The following RBFOX1 variants were observed in gnomAD, a reference collection of about 807,000 sequenced individuals.
RBFOX1 encodes RNA binding protein fox-1 homolog 1.
A neutral mutation model predicts 57.7 loss-of-function variants in RBFOX1; 8 were observed. The observed-to-expected ratio is 0.14, with a 90% CI of 0.08 to 0.25. The LOEUF (loss-of-function observed/expected upper bound fraction) is 0.25, where lower values mean the gene tolerates loss of function less well. Among genes scored for constraint, RBFOX1 ranks in the 10% least tolerant of loss-of-function variants. The pLI, the probability that RBFOX1 is intolerant of heterozygous loss-of-function variation, is 1.00. For synonymous variants in RBFOX1, 326 were observed against 222.4 expected, an observed-to-expected ratio of 1.47 and a Z score of -4.15; for missense variants, 611 against 548.5, an observed-to-expected ratio of 1.11 and a Z score of -1.14.
intron 4 of RBFOX1, among the ~76,000 whole-genome samples, chr16:7,294,218 T>C (rs1364948885): frequency 2.6e-5 from 4 of 152,078 alleles, no homozygotes; most frequent in Non-Finnish European, 5.9e-5. Context: ...GCTGTTTTTG[T>C]CTCTGCCGCC....
intron 3 of RBFOX1, among the ~76,000 whole-genome samples, chr16:5,862,012 A>G (rs2057230202): frequency 1.3e-5 from 2 of 152,188 alleles, no homozygotes; most frequent in African/African-American, 4.8e-5. Context: ...CTCAGGCCTG[A>G]GAGTGACGGC....
At chr16:7,552,357 A>G (rs933438793) in intron 5 of RBFOX1, among the ~76,000 whole-genome samples, 2 of 152,144 alleles carry the variant, frequency 1.3e-5, no homozygotes, top group African/African-American at 2.4e-5. Context: ...CAGGATACTC[A>G]TTTTACATCT....
chr16:6,491,851 T>A (rs962857110), intron 2 of RBFOX1, among the ~76,000 whole-genome samples: 1 of 152,226 alleles, frequency 6.6e-6, no homozygotes, highest in Non-Finnish European at 1.5e-5. Context: ...TCAATCATTG[T>A]TCTAACATTG....
At chr16:5,649,400 C>T (rs2049158222) in intron 3 of RBFOX1, among the ~76,000 whole-genome samples, 1 of 152,096 alleles carries the variant, frequency 6.6e-6, no homozygotes, top group Admixed American at 6.5e-5. Context: ...GAACTCCTGA[C>T]CTCAGGTGAT....
intron 3 of RBFOX1, among the ~76,000 whole-genome samples, chr16:6,738,688 C>G (rs2071170172): frequency 6.6e-6 from 1 of 152,170 alleles, no homozygotes; most frequent in South Asian, 2.1e-4. Context: ...AATACACATT[C>G]TTTTAAGGAG....
At chr16:6,629,638 G>A (rs2154056368) in intron 2 of RBFOX1, among the ~76,000 whole-genome samples, 2 of 152,028 alleles carry the variant, frequency 1.3e-5, no homozygotes, top group South Asian at 2.1e-4. Context: ...GATGCTCAGA[G>A]CCCCTTAACT....
At chr16:6,170,665 G>T (rs563214837) in intron 1 of RBFOX1, among the ~76,000 whole-genome samples, 26 of 152,162 alleles carry the variant, frequency 1.7e-4, no homozygotes, top group Admixed American at 1.4e-3. Flanking sequence ...TGTCACGGGG[G>T]TTTGTTGTAC....
rs565248640 is a variant in RBFOX1, at chr16:6,512,283, C to CAAAAAAAAAAAAA, written c.-63-142316_-63-142304dup. Among the ~76,000 whole-genome samples, 33 of 86,952 alleles carry CAAAAAAAAAAAAA rather than the reference C, an allele frequency of 3.8e-4. 2 individuals are homozygous for CAAAAAAAAAAAAA. Among genetic ancestry groups the CAAAAAAAAAAAAA allele is most frequent in the African/African-American group, 1.3e-3 (27 of 20,164 alleles). The allele number at this position is 86,952 out of a possible 152,430, so 57.0% of individuals were successfully genotyped here. On this transcript the variant is annotated intron_variant, in intron 2 of 15. Coordinates refer to ENST00000550418, the MANE Select transcript of RBFOX1 (RefSeq NM_018723.4). ...TGGGTAACAGAGCAAGACCCTGTAT[C>CAAAAAAAAAAAAA]AAAAAAAAAAAAAAAAGGTAAGAGA...
At chr16:5,345,461 T>C (rs899185420) in intron 1 of RBFOX1, among the ~76,000 whole-genome samples, 1 of 152,184 alleles carries the variant, frequency 6.6e-6, no homozygotes, top group African/African-American at 2.4e-5. Flanking sequence ...CGCTGTCCAC[T>C]TCCATCAGTG....
intron 2 of RBFOX1, among the ~76,000 whole-genome samples, chr16:6,558,607 T>C (rs1350024362): frequency 1.3e-5 from 2 of 152,106 alleles, no homozygotes; most frequent in African/African-American, 2.4e-5. Flanking sequence ...CCTGGGGATA[T>C]GGCAGTTGTC....
intron 4 of RBFOX1, among the ~76,000 whole-genome samples, chr16:7,222,438 C>A (rs573059246): frequency 6.6e-6 from 1 of 152,246 alleles, no homozygotes; most frequent in African/African-American, 2.4e-5. Context: ...TGTGGCAGCC[C>A]AGAGCTCTGT....
intron 1 of RBFOX1, among the ~76,000 whole-genome samples, chr16:6,137,658 G>T (rs1383290291): frequency 7.6e-6 from 1 of 132,198 alleles, no homozygotes; most frequent in East Asian, 2.3e-4. Context: ...CTGTTGCCCA[G>T]ACTAGAGTGA....
At chr16:7,148,050 C>A (rs943511761) in intron 4 of RBFOX1, among the ~76,000 whole-genome samples, 5 of 152,164 alleles carry the variant, frequency 3.3e-5, no homozygotes, top group Non-Finnish European at 7.3e-5. Flanking sequence ...GAAAAACTTT[C>A]TCTTTAGCAG....
intron 4 of RBFOX1, among the ~76,000 whole-genome samples, chr16:7,184,965 A>G (rs1251640509): frequency 2.6e-5 from 4 of 152,170 alleles, no homozygotes; most frequent in Admixed American, 6.5e-5. Flanking sequence ...ACCTCTCTCA[A>G]GCATTACAGT....
chr16:6,647,040 G>C (rs1377564572), intron 2 of RBFOX1, among the ~76,000 whole-genome samples: 1 of 152,080 alleles, frequency 6.6e-6, no homozygotes, highest in South Asian at 2.1e-4. Flanking sequence ...CATTTACTTT[G>C]TCATAGTTCT....
chr16:6,671,012 A>G (rs12386044), intron 3 of RBFOX1, among the ~76,000 whole-genome samples: 15,479 of 152,118 alleles, frequency 0.1, 1,023 homozygotes, highest in African/African-American at 0.2. Flanking sequence ...AAAAACAAAA[A>G]ACTGGTTTCC....
intron 3 of RBFOX1, among the ~76,000 whole-genome samples, chr16:5,769,474 C>G (rs2053902484): frequency 1.4e-5 from 2 of 142,274 alleles, no homozygotes; most frequent in Admixed American, 7.4e-5. Context: ...AAGCCCATCT[C>G]TACTAAAAAA....
chr16:6,508,210 T>C (rs1860323995), intron 2 of RBFOX1, among the ~76,000 whole-genome samples: 1 of 151,986 alleles, frequency 6.6e-6, no homozygotes, highest in Admixed American at 6.6e-5. Flanking sequence ...CTGGGGCCTT[T>C]TGGAGGGTGG....
At chr16:6,849,903 T>C (rs543437415) in intron 3 of RBFOX1, among the ~76,000 whole-genome samples, 2 of 152,214 alleles carry the variant, frequency 1.3e-5, no homozygotes, top group African/African-American at 4.8e-5. Flanking sequence ...TATTTGTGTG[T>C]GTATATCTCC....
Sources: gnomAD v4.1 joint callset for allele counts (sites outside exome capture counted in the v4.1 genomes callset) on GRCh38, gnomAD v4.1.1 for gene constraint, MANE v1.5 for transcripts, NCBI Gene and HGNC (gene_info 2026-07-23, HGNC 2026-07-21) for gene names.